The following F13A1 variants were observed in gnomAD, a reference collection of about 807,000 sequenced individuals.
F13A1 encodes the protein coagulation factor XIII A chain, also known as FSF, A subunit.
In F13A1, 47 loss-of-function variants were observed where a neutral mutation model predicts 80.1. The observed-to-expected ratio is 0.59, with a 90% confidence interval of 0.46 to 0.75. The LOEUF (loss-of-function observed/expected upper bound fraction) is 0.75. Among genes scored for constraint, F13A1 ranks in the 30% least tolerant of loss-of-function variants. The pLI is 0.00. For synonymous variants in F13A1, 349 were observed against 344.9 expected (o/e 1.01, Z -0.13); for missense variants, 817 against 930.4 (o/e 0.88, Z 1.59).
chr6:6,219,675 G>A (rs936308207), intron 8 of F13A1, among the ~76,000 whole-genome samples: 1 of 152,344 alleles, frequency 6.6e-6, no homozygotes, highest in East Asian at 1.9e-4. Flanking sequence ...ATCCAGGAGA[G>A]TCTTAGCCAT....
chr6:6,300,690 A>T (rs1758414971), intron 3 of F13A1, among the ~76,000 whole-genome samples: 1 of 152,180 alleles, frequency 6.6e-6, no homozygotes, highest in African/African-American at 2.4e-5. Flanking sequence ...GAAATGCAGA[A>T]ATCACTGTCT....
intron 14 of F13A1, among the ~76,000 whole-genome samples, chr6:6,148,317 G>A (rs1449254572): frequency 6.6e-6 from 1 of 152,068 alleles, no homozygotes; most frequent in Non-Finnish European, 1.5e-5. Flanking sequence ...GCGAGTGAGG[G>A]GTGAGACACA....
chr6:6,274,952 A>G (rs1274724880), intron 3 of F13A1, among the ~76,000 whole-genome samples: 2 of 152,170 alleles, frequency 1.3e-5, no homozygotes, highest in Non-Finnish European at 2.9e-5. Context: ...TGACCCAGGG[A>G]GGGTAAAAAG....
chr6:6,145,882 G>T, intron 14 of F13A1, 110 bp from the exon 15 acceptor site: 1 of 1,439,624 alleles, frequency 6.9e-7, no homozygotes. Context: ...CTCAGTTGGT[G>T]CTTAGGACAC....
At chr6:6,262,803 C>T (rs1235505977) in intron 4 of F13A1, among the ~76,000 whole-genome samples, 1 of 152,142 alleles carries the variant, frequency 6.6e-6, no homozygotes, top group Non-Finnish European at 1.5e-5. Flanking sequence ...TACTCTACTC[C>T]TGTCTCTGGA....
At chr6:6,291,671 C>T (rs1758226183) in intron 3 of F13A1, among the ~76,000 whole-genome samples, 1 of 152,116 alleles carries the variant, frequency 6.6e-6, no homozygotes, top group African/African-American at 2.4e-5. Context: ...CACTGCAACC[C>T]CCTTATTTTC....
In F13A1 at chr6:6,167,587, G is replaced by A. The variant is rs1242722821; in HGVS notation, c.1779C>T (p.Gly593=). 13 of 1,613,820 alleles carry A rather than the reference G, an allele frequency of 8.1e-6. 1 individual carries two copies. The highest frequency in any genetic ancestry group is 1.7e-4 in the Middle Eastern group (1 of 5,938). ...GTTCCAGCAGCTGACCCATGTACTC[G>A]CCGGCTTGGATCAGCACCGCCTCTT... The part of the protein sequence containing the change: ...FKKEAVLIQA[G]EYMGQLLEQA... The change falls in exon 13 of 15, where the codon GGC becomes GGT. Residue 593 remains glycine, a synonymous_variant. Coordinates refer to ENST00000264870, the MANE Select transcript of F13A1 (RefSeq NM_000129.4).
intron 13 of F13A1, among the ~76,000 whole-genome samples, chr6:6,156,355 G>T (rs1017162737): frequency 7.9e-5 from 12 of 151,958 alleles, no homozygotes; most frequent in African/African-American, 2.7e-4. Flanking sequence ...TACTTTTTTA[G>T]AAATCACAAG....
chr6:6,318,568 G>T lies in F13A1; in HGVS notation c.97C>A (p.Gln33Lys), dbSNP rs747587256. ...AEDDLPTVEL[Q>K]GVVPRGVNLQ... ...TTGACGCCCCGGGGCACCACGCCCTGAAGCTCCACTGTGGGCAGGTCATCT... is the reference window on the plus strand; with the variant it reads ...TTGACGCCCCGGGGCACCACGCCCTTAAGCTCCACTGTGGGCAGGTCATCT... Residue 33 changes from glutamine to lysine, a missense_variant, in exon 2 of 15, where the codon CAG becomes AAG. Transcript: ENST00000264870. 1 of 1,613,838 alleles carries T rather than the reference G, an allele frequency of 6.2e-7. No individual in the cohort carries two copies. Among genetic ancestry groups the T allele is most frequent in the South Asian group, 1.1e-5 (1 of 91,040 alleles).
chr6:6,289,140 A>G (rs571877217), intron 3 of F13A1, among the ~76,000 whole-genome samples: 1 of 152,320 alleles, frequency 6.6e-6, no homozygotes, highest in Admixed American at 6.5e-5. Context: ...TTTAAAATAA[A>G]TAGTATAGTC....
chr6:6,223,043 C>T (rs751566374), intron 7 of F13A1, among the ~76,000 whole-genome samples: 2 of 152,192 alleles, frequency 1.3e-5, no homozygotes, highest in Non-Finnish European at 1.5e-5. Flanking sequence ...ACGATTGCCA[C>T]TCTCATTCTG....
chr6:6,239,525 T>C (rs1429055625), intron 6 of F13A1, among the ~76,000 whole-genome samples: 1 of 152,178 alleles, frequency 6.6e-6, no homozygotes, highest in African/African-American at 2.4e-5. Context: ...TAACTACCGA[T>C]ATATGAATGT....
chr6:6,269,309 T>G (rs1368612589), intron 3 of F13A1, among the ~76,000 whole-genome samples: 1 of 152,174 alleles, frequency 6.6e-6, no homozygotes. Context: ...ATTACTTCCC[T>G]GTTGTCCTGG....
intron 6 of F13A1, among the ~76,000 whole-genome samples, chr6:6,240,141 G>A (rs551525970): frequency 6.6e-6 from 1 of 152,248 alleles, no homozygotes; most frequent in South Asian, 2.1e-4. Flanking sequence ...CTCATTCCAG[G>A]AAGCAATTCA....
At chr6:6,158,019 C>G (rs1367101382) in intron 13 of F13A1, among the ~76,000 whole-genome samples, 1 of 152,122 alleles carries the variant, frequency 6.6e-6, no homozygotes, top group Non-Finnish European at 1.5e-5. Flanking sequence ...TGGCTAAGGG[C>G]ACCCACGGTT....
intron 10 of F13A1, among the ~76,000 whole-genome samples, chr6:6,193,133 T>C (rs1427062003): frequency 6.6e-6 from 1 of 152,064 alleles, no homozygotes; most frequent in African/African-American, 2.4e-5. Context: ...CTTCAAGCCC[T>C]GGCAGAAACC....
intron 11 of F13A1, among the ~76,000 whole-genome samples, chr6:6,176,911 G>A (rs1760891212): frequency 6.6e-6 from 1 of 152,188 alleles, no homozygotes; most frequent in Non-Finnish European, 1.5e-5. Flanking sequence ...ATGGGTGCAG[G>A]AACCTGGAGC....
intron 4 of F13A1, among the ~76,000 whole-genome samples, chr6:6,261,488 G>C (rs1323372828): frequency 6.6e-6 from 1 of 152,226 alleles, no homozygotes; most frequent in African/African-American, 2.4e-5. Context: ...AGCAGCAACA[G>C]CATCTCCCAG....
intron 13 of F13A1, among the ~76,000 whole-genome samples, chr6:6,163,519 G>A (rs551062222): frequency 6.6e-6 from 1 of 152,250 alleles, no homozygotes; most frequent in East Asian, 1.9e-4. Flanking sequence ...AGGACCCTGT[G>A]TGTGTTGTTT....
Sources: gnomAD v4.1 joint callset for allele counts (sites outside exome capture counted in the v4.1 genomes callset) on GRCh38, gnomAD v4.1.1 for gene constraint, MANE v1.5 for transcripts, NCBI Gene and HGNC (gene_info 2026-07-23, HGNC 2026-07-21) for gene names.